Variants in LOC400499 observed in about 807,000 individuals in gnomAD.
At chr16:11,402,088 C>G in the LOC400499 span, 5 of 399,056 alleles carry the variant, frequency 1.3e-5, no homozygotes, top group Non-Finnish European at 2.2e-5. Context: ...GGCTGCCTCC[C>G]AAATGCTCTG....
At chr16:11,403,486 C>T in the LOC400499 span, among the ~76,000 whole-genome samples, 7 of 152,108 alleles carry the variant, frequency 4.6e-5, no homozygotes, top group Non-Finnish European at 1.0e-4. Context: ...CACACATACA[C>T]TCATGAGCAC....
chr16:11,432,267 C>T, the LOC400499 span, among the ~76,000 whole-genome samples: 2 of 152,238 alleles, frequency 1.3e-5, no homozygotes, highest in Admixed American at 6.5e-5. Context: ...TGTGTAAGTT[C>T]CTGACCCACA....
the LOC400499 span, chr16:11,471,951 G>A: frequency 2.5e-6 from 1 of 397,392 alleles, no homozygotes; most frequent in Non-Finnish European, 4.4e-6. Flanking sequence ...CATGTAGACA[G>A]GACTCCTGTG....
the LOC400499 span, chr16:11,487,393 G>A: frequency 5.5e-5 from 22 of 398,920 alleles, no homozygotes; most frequent in African/African-American, 3.1e-4. Flanking sequence ...GACACTAGGA[G>A]TAAGACAAGA....
At chr16:11,492,553 GCT>G in the LOC400499 span, among the ~76,000 whole-genome samples, 3 of 152,058 alleles carry the variant, frequency 2.0e-5, no homozygotes, top group African/African-American at 7.2e-5. Context: ...GGGAAGCCGA[GCT>G]GGGAGGATCA....
chr16:11,439,526 C>T, the LOC400499 span: 17 of 398,988 alleles, frequency 4.3e-5, 1 homozygote, highest in African/African-American at 3.1e-4. Context: ...GTGAGGATGC[C>T]TGAGTTGGAA....
the LOC400499 span, among the ~76,000 whole-genome samples, chr16:11,433,630 C>G: frequency 6.6e-6 from 1 of 152,178 alleles, no homozygotes; most frequent in Admixed American, 6.5e-5. Flanking sequence ...AACTGGTCAA[C>G]AGAAAGATCA....
chr16:11,465,966 T>C, the LOC400499 span, among the ~76,000 whole-genome samples: 3 of 152,244 alleles, frequency 2.0e-5, no homozygotes, highest in African/African-American at 7.2e-5. Flanking sequence ...GGGAATTCCA[T>C]TGTTAAGAAT....
chr16:11,449,213 C>G, the LOC400499 span: 540 of 1,029,656 alleles, frequency 5.2e-4, 2 homozygotes, highest in African/African-American at 7.6e-3. Context: ...CTTCATCCCT[C>G]AAAACCCCTT....
At chr16:11,414,835 A>G in the LOC400499 span, among the ~76,000 whole-genome samples, 1 of 152,218 alleles carries the variant, frequency 6.6e-6, no homozygotes, top group East Asian at 1.9e-4. Flanking sequence ...GCTGCCAGGC[A>G]TCCTCCATCC....
the LOC400499 span, among the ~76,000 whole-genome samples, chr16:11,501,255 A>T: frequency 1.3e-5 from 2 of 152,052 alleles, no homozygotes; most frequent in Non-Finnish European, 2.9e-5. Context: ...ACCCAAGCAA[A>T]TGTCACCGAG....
At chr16:11,421,509 C>G in the LOC400499 span, among the ~76,000 whole-genome samples, 1 of 152,118 alleles carries the variant, frequency 6.6e-6, no homozygotes, top group East Asian at 1.9e-4. Context: ...TCAAACGATT[C>G]TCCTGCCTCC....
chr16:11,493,622 G>T, the LOC400499 span: 1 of 396,694 alleles, frequency 2.5e-6, no homozygotes, highest in South Asian at 1.3e-4. Flanking sequence ...CCAACCCCAT[G>T]AAACAGCACA....
At chr16:11,443,989 T>C in the LOC400499 span, among the ~76,000 whole-genome samples, 1 of 152,082 alleles carries the variant, frequency 6.6e-6, no homozygotes, top group African/African-American at 2.4e-5. Flanking sequence ...CACCTGCCAC[T>C]ATGCCCAGCC....
the LOC400499 span, chr16:11,412,745 G>C: frequency 4.0e-5 from 16 of 397,238 alleles, no homozygotes; most frequent in South Asian, 1.9e-3. Context: ...GTGCTGAGCA[G>C]AGAATTGAGA....
chr16:11,385,765 C>A, the LOC400499 span, among the ~76,000 whole-genome samples: 6 of 152,200 alleles, frequency 3.9e-5, no homozygotes, highest in African/African-American at 1.4e-4. Context: ...GGACAGAAGG[C>A]AGATTGGTGG....
chr16:11,467,233 G>C, the LOC400499 span: 1 of 150,946 alleles, frequency 6.6e-6, no homozygotes, highest in East Asian at 2.0e-4. Flanking sequence ...GATTACAGGC[G>C]TGAGCCACGG....
chr16:11,522,166 G>T, the LOC400499 span: 2 of 398,828 alleles, frequency 5.0e-6, no homozygotes, highest in Non-Finnish European at 8.8e-6. Flanking sequence ...AGCCCTCTGG[G>T]ATCCCAACTC....
chr16:11,406,609 T>C, the LOC400499 span, among the ~76,000 whole-genome samples: 1 of 152,208 alleles, frequency 6.6e-6, no homozygotes, highest in Non-Finnish European at 1.5e-5. Context: ...ATTCCATATT[T>C]TTAGTAGAGA....
Sources: allele counts gnomAD v4.1 joint callset (sites outside exome capture counted in the v4.1 genomes callset), GRCh38; gene constraint gnomAD v4.1.1; transcripts MANE v1.5.